Variants in MARK3 observed in about 807,000 individuals in gnomAD.
MARK3 encodes microtubule affinity regulating kinase 3, also known as MAP/microtubule affinity-regulating kinase 3.
A neutral mutation model predicts 90.1 loss-of-function variants in MARK3; 46 were observed. That is an observed-to-expected ratio of 0.51 (90% confidence interval 0.40 to 0.65). The LOEUF (loss-of-function observed/expected upper bound fraction) is 0.65, where lower values mean the gene tolerates loss of function less well. Ranked by LOEUF, MARK3 falls within the 30% of genes least tolerant of loss-of-function variation. MARK3 has a pLI of 0.00. For synonymous variants in MARK3, 321 were observed against 332.6 expected, an observed-to-expected ratio of 0.97 and a Z score of 0.38; for missense variants, 818 against 947.2, an observed-to-expected ratio of 0.86 and a Z score of 1.79.
intron 3 of MARK3, among the ~76,000 whole-genome samples, chr14:103,436,305 G>GC (rs1370197171): frequency 2.0e-5 from 3 of 152,094 alleles, no homozygotes; most frequent in Admixed American, 2.0e-4. Flanking sequence ...TCCTAGGAAT[G>GC]CCTTAGTACC....
At chr14:103,408,393 T>C (rs2091440630) in intron 2 of MARK3, among the ~76,000 whole-genome samples, 4 of 152,316 alleles carry the variant, frequency 2.6e-5, no homozygotes, top group African/African-American at 9.6e-5. Flanking sequence ...TTCACCATGT[T>C]GGCCAGGCTG....
intron 3 of MARK3, among the ~76,000 whole-genome samples, chr14:103,442,096 C>A (rs6575991): frequency 6.6e-6 from 1 of 151,696 alleles, no homozygotes; most frequent in Non-Finnish European, 1.5e-5. Context: ...TGGCCAGGTG[C>A]GGTGGCTCAC....
At chr14:103,488,585 C>T (rs910483526) in intron 14 of MARK3, among the ~76,000 whole-genome samples, 3 of 152,144 alleles carry the variant, frequency 2.0e-5, no homozygotes, top group Non-Finnish European at 2.9e-5. Context: ...GGCACAGTGG[C>T]TCACAAGGCC....
chr14:103,462,406 T>C lies in MARK3; in HGVS notation c.485T>C (p.Ile162Thr), dbSNP rs376017188. ...EKEARSKFRQ[I>T]VSAVQYCHQK... The stretch of plus-strand genomic sequence containing the variant: ...TGACTCTGCGTCTCTCCTATTCAGA[T>C]TGTGTCTGCAGTTCAATACTGCCAT... The change falls in exon 7 of 18, where the codon ATT becomes ACT. Residue 162 changes from isoleucine (I) to threonine (T), a missense_variant and splice_region_variant. Coordinates refer to ENST00000429436, the MANE Select transcript of MARK3 (RefSeq NM_001128918.3). The C allele has an allele frequency of 4.4e-6, 7 of 1,600,572 alleles. No homozygotes were observed. In the African/African-American group the frequency reaches 8.0e-5, roughly 18 times the overall value.
chr14:103,433,990 TC>T (rs2092654582), intron 3 of MARK3, among the ~76,000 whole-genome samples: 1 of 152,160 alleles, frequency 6.6e-6, no homozygotes, highest in Non-Finnish European at 1.5e-5. Flanking sequence ...ATTTTGAGTT[TC>T]CCGTTTCAGC....
In MARK3 at chr14:103,503,260, T is replaced by TAA; in HGVS notation, c.*35_*36dup. On this transcript the variant is annotated 3_prime_UTR_variant, in exon 18 of 18. Transcript: ENST00000429436. Reference sequence around the variant, plus strand: ...ATTATGATGTAAATTAAGTAGCAATTAAAGTGTTTTCCTGAACACTGATGG... The same window carrying TAA: ...ATTATGATGTAAATTAAGTAGCAATTAAAAAGTGTTTTCCTGAACACTGATGG... 1 of 1,533,198 alleles carries TAA rather than the reference T, an allele frequency of 6.5e-7. No homozygotes were observed. The highest frequency in any genetic ancestry group is 8.9e-7 in the Non-Finnish European group (1 of 1,119,506). 95.0% of individuals were successfully genotyped at this position (1,533,198 alleles called of 1,614,324 possible).
rs199832699 is a variant in MARK3 at position 103,459,666 on chromosome 14, A to AT, written c.483+2460dup. Among the ~76,000 whole-genome samples, 437 of 126,560 alleles carry AT rather than the reference A, an allele frequency of 3.5e-3. 1 individual carries two copies. The highest frequency in any genetic ancestry group is 5.1e-3 in the Non-Finnish European group (310 of 60,758). 83.0% of individuals were successfully genotyped at this position (126,560 alleles called of 152,430 possible). ...AAGTGTGCACCACCACGCCCAGCTA[A>AT]TTTTTTATTTTTTTTTTTGTAATTT... On this transcript the variant is annotated intron_variant, in intron 6 of 17. Transcript: ENST00000429436.
intron 4 of MARK3, among the ~76,000 whole-genome samples, chr14:103,450,875 AGTGTGTGTGTGTGT>A (rs61183226): frequency 0.49 from 56,131 of 114,594 alleles, 13,817 homozygotes; most frequent in East Asian, 0.7. Context: ...TCATTTTTAA[AGTGTGTGTGTGTGT>A]GTGTGTGTGT....
intron 15 of MARK3, among the ~76,000 whole-genome samples, chr14:103,497,279 T>A (rs2075402086): frequency 6.6e-6 from 1 of 152,218 alleles, no homozygotes; most frequent in African/African-American, 2.4e-5. Context: ...AATTGGTAGA[T>A]TAATACCTAA....
intron 1 of MARK3, among the ~76,000 whole-genome samples, chr14:103,394,827 G>T (rs2090477107): frequency 6.6e-6 from 1 of 152,096 alleles, no homozygotes; most frequent in African/African-American, 2.4e-5. Context: ...CTGTTGCCCA[G>T]GCTGGAGTGC....
intron 6 of MARK3, among the ~76,000 whole-genome samples, chr14:103,458,559 G>A (rs944101698): frequency 2.6e-5 from 4 of 151,708 alleles, no homozygotes; most frequent in African/African-American, 4.8e-5. Flanking sequence ...GGGATGGGCC[G>A]GATGTAGCCA....
rs1403633468 is a variant in MARK3 at position 103,447,972 on chromosome 14, C to T, written c.298-947C>T. Among the ~76,000 whole-genome samples the T allele has an allele frequency of 2.6e-5, 4 of 152,106 alleles. No individual in the cohort carries two copies. The South Asian group carries it at 6.2e-4, about 24-fold the overall frequency. ...ATTTTTAGTAGAGATGGGGTTTCAC[C>T]ATGTTGCCCAGGCTGGTCTCGACCT... On this transcript the variant is annotated intron_variant, in intron 3 of 17. Transcript: ENST00000429436.
chr14:103,403,221 G>T (rs2091069119), intron 1 of MARK3, among the ~76,000 whole-genome samples: 1 of 152,070 alleles, frequency 6.6e-6, no homozygotes, highest in Non-Finnish European at 1.5e-5. Flanking sequence ...TAAATTCAGT[G>T]AATATGTTTT....
At chr14:103,454,046 A>G (rs1193454705) in intron 5 of MARK3, among the ~76,000 whole-genome samples, 1 of 152,210 alleles carries the variant, frequency 6.6e-6, no homozygotes, top group South Asian at 2.1e-4. Flanking sequence ...CAGGTTTAGT[A>G]GAAAGAGGAT....
chr14:103,485,957 C>T (rs954912318), intron 14 of MARK3, among the ~76,000 whole-genome samples: 1 of 152,210 alleles, frequency 6.6e-6, no homozygotes, highest in East Asian at 1.9e-4. Flanking sequence ...CTTCATGCAA[C>T]TTGAATTTTA....
intron 2 of MARK3, among the ~76,000 whole-genome samples, chr14:103,427,131 A>G (rs1426560223): frequency 6.7e-6 from 1 of 149,644 alleles, no homozygotes; most frequent in African/African-American, 2.5e-5. Flanking sequence ...AAATGTTATA[A>G]CAATACGTTT....
At chr14:103,421,176 G>C (rs958147782) in intron 2 of MARK3, among the ~76,000 whole-genome samples, 2 of 152,170 alleles carry the variant, frequency 1.3e-5, no homozygotes, top group African/African-American at 4.8e-5. Context: ...CTGTGGCTGT[G>C]AATTCAGTGT....
intron 3 of MARK3, among the ~76,000 whole-genome samples, chr14:103,444,437 A>G (rs1479001061): frequency 6.6e-6 from 1 of 152,180 alleles, no homozygotes; most frequent in Non-Finnish European, 1.5e-5. Flanking sequence ...TCCAACTAAC[A>G]TCTATTTAAG....
chr14:103,433,379 G>A lies in MARK3; in HGVS notation c.297+4939G>A, dbSNP rs1566834235. ...TGGGATTACTGGCCTGAGCCACCGT[G>A]CTCAGCCAGGACAGTTTAAATCTTC... On this transcript the variant is annotated intron_variant, in intron 3 of 17. Coordinates refer to ENST00000429436, the MANE Select transcript of MARK3 (RefSeq NM_001128918.3). Among the ~76,000 whole-genome samples the A allele has an allele frequency of 2.6e-5, 4 of 151,946 alleles. No homozygotes were observed. In the South Asian group the frequency reaches 8.3e-4, roughly 32 times the overall value.
Sources: allele counts gnomAD v4.1 joint callset (sites outside exome capture counted in the v4.1 genomes callset), GRCh38; gene constraint gnomAD v4.1.1; transcripts MANE v1.5; gene names NCBI Gene and HGNC (gene_info 2026-07-23, HGNC 2026-07-21).